The following SYT10 variants were observed in gnomAD, a reference collection of about 807,000 sequenced individuals.
SYT10 encodes the protein synaptotagmin 10, also known as synaptotagmin-10.
In SYT10, 31 loss-of-function variants were observed where a neutral mutation model predicts 51.1. That is an observed-to-expected ratio of 0.61 (90% CI 0.46 to 0.82). The LOEUF (loss-of-function observed/expected upper bound fraction) is 0.82. Ranked by LOEUF, SYT10 falls within the 40% of genes least tolerant of loss-of-function variation. The pLI, the probability that SYT10 is intolerant of heterozygous loss-of-function variation, is 0.00. For synonymous variants in SYT10, 233 were observed against 225.9 expected (o/e 1.03, Z -0.28); for missense variants, 603 against 634.0 (o/e 0.95, Z 0.53).
intron 5 of SYT10, among the ~76,000 whole-genome samples, chr12:33,382,087 T>C (rs1259703869): frequency 6.6e-6 from 1 of 152,180 alleles, no homozygotes; most frequent in Non-Finnish European, 1.5e-5. Flanking sequence ...GACTCCACAA[T>C]AGTGCTTTCT....
At chr12:33,424,014 T>C (rs1866527636) in intron 2 of SYT10, 1 of 455,860 alleles carries the variant, frequency 2.2e-6, no homozygotes, top group South Asian at 1.6e-5. Flanking sequence ...CAACCACTCA[T>C]ATAAACAATG....
chr12:33,382,963 G>T (rs1866128600), intron 4 of SYT10, among the ~76,000 whole-genome samples: 1 of 152,092 alleles, frequency 6.6e-6, no homozygotes, highest in Admixed American at 6.5e-5. Flanking sequence ...TTTAAAGATG[G>T]CCACACAAAA....
chr12:33,422,103 TA>T lies in SYT10; in HGVS notation c.509+4034del, dbSNP rs954955112. ...ACTTAAAGTATTAAAAAAAAAAACT[TA>T]AAAAAAAAGCAATATAGAAGTGAAT... is the stretch of plus-strand genomic sequence containing the variant. On this transcript the variant is annotated intron_variant, in intron 2 of 6. Coordinates refer to ENST00000228567, the MANE Select transcript of SYT10 (RefSeq NM_198992.4). 1.1e-4 allele frequency among the ~76,000 whole-genome samples: 16 copies of T among 149,508 alleles called. No homozygotes were observed. In the South Asian group the frequency reaches 1.3e-3, roughly 12 times the overall value.
intron 2 of SYT10, among the ~76,000 whole-genome samples, chr12:33,419,827 A>G (rs1866486342): frequency 1.3e-5 from 2 of 152,236 alleles, no homozygotes; most frequent in Non-Finnish European, 2.9e-5. Flanking sequence ...AGAACATATT[A>G]TATTACAAGA....
rs1255169686 is a variant in SYT10 at position 33,439,788 on chromosome 12, G to A, written c.-266C>T. The A allele has an allele frequency of 4.2e-6, 2 of 478,050 alleles. No homozygotes were observed. The highest frequency in any genetic ancestry group is 7.4e-6 in the Non-Finnish European group (2 of 268,688). The allele number at this position is 478,050 out of a possible 1,614,324, so 29.6% of individuals were successfully genotyped here. A position where few individuals can be genotyped will look rare whatever the true frequency, so the allele number is the denominator to read the frequency against. ...CTCTCCCGCCGCGCGAGCGAGCCGA[G>A]GCGCGCTGGAACTAGAGACCCGGCA... On this transcript the variant is annotated 5_prime_UTR_variant, in exon 1 of 7. Coordinates refer to ENST00000228567, the MANE Select transcript of SYT10 (RefSeq NM_198992.4).
intron 2 of SYT10, 112 bp from the exon 3 acceptor site, chr12:33,407,468 TATCTAC>T: frequency 4.5e-6 from 5 of 1,107,872 alleles, no homozygotes; most frequent in Non-Finnish European, 5.1e-6. Context: ...AAGATATCTA[TATCTAC>T]ATAGATAGAC....
Position 33,376,895 on chromosome 12 carries a change from C to A in SYT10, c.1507G>T (p.Gly503Cys). Residue 503 changes from glycine (G) to cysteine (C), a missense_variant, in exon 7 of 7, where the codon GGC (glycine) becomes TGC (cysteine). Physicochemically the swap from Gly to Cys is radical, Grantham distance 159. Coordinates refer to ENST00000228567, the MANE Select transcript of SYT10 (RefSeq NM_198992.4). ...TGACTATCAAAACTGGTCGCCCGGCCAGGTAACTGAAAGACAAAAATTTCA... is the reference window on the plus strand; with the variant it reads ...TGACTATCAAAACTGGTCGCCCGGCAAGGTAACTGAAAGACAAAAATTTCA... ...THWHPLLELP[G>C]RATSFDSQGS... The A allele has an allele frequency of 1.2e-6, 2 of 1,613,942 alleles. No homozygotes were observed. Among genetic ancestry groups the A allele is most frequent in the Non-Finnish European group, 1.7e-6 (2 of 1,179,952 alleles).
In SYT10 at chr12:33,376,831, T is replaced by G; in HGVS notation, c.1571A>C (p.Ter524SerextTer12). 6.2e-7 allele frequency: 1 copy of G among 1,614,034 alleles called. No homozygotes were observed. The highest frequency in any genetic ancestry group is 1.1e-5 in the South Asian group (1 of 91,080). The change falls in exon 7 of 7, where the codon TAA becomes TCA. Residue 524 changes from the stop codon to serine, a stop_lost. Transcript: ENST00000228567. ...TATCATGGTCTCATTTTGGAGGCATTATGGTGTGGAAGGTGGTTTAGGAGA... is the reference window on the plus strand; with the variant it reads ...TATCATGGTCTCATTTTGGAGGCATGATGGTGTGGAAGGTGGTTTAGGAGA... ...CPSPKPPSTP[*>S] is the part of the protein sequence containing the mutation.
At chr12:33,420,312 T>C (rs529597469) in intron 2 of SYT10, among the ~76,000 whole-genome samples, 8 of 152,314 alleles carry the variant, frequency 5.3e-5, no homozygotes, top group African/African-American at 1.9e-4. Context: ...AGAAAATGTC[T>C]GCTGGAGTTT....
intron 3 of SYT10, among the ~76,000 whole-genome samples, chr12:33,395,873 C>G (rs373888674): frequency 7.1e-6 from 1 of 140,870 alleles, no homozygotes; most frequent in Non-Finnish European, 1.5e-5. Context: ...AAATTCATTT[C>G]TTTTCCTTTC....
chr12:33,401,460 G>A (rs1239621321), intron 3 of SYT10, among the ~76,000 whole-genome samples: 1 of 151,932 alleles, frequency 6.6e-6, no homozygotes, highest in African/African-American at 2.4e-5. Flanking sequence ...CACCTTTATT[G>A]TTTCTTTTGT....
chr12:33,408,810 G>C (rs1316737633), intron 2 of SYT10, among the ~76,000 whole-genome samples: 2 of 152,078 alleles, frequency 1.3e-5, no homozygotes, highest in African/African-American at 2.4e-5. Context: ...CACAATCTCT[G>C]ACAATAGCAC....
intron 4 of SYT10, among the ~76,000 whole-genome samples, chr12:33,384,082 A>G (rs1565490628): frequency 6.6e-6 from 1 of 152,174 alleles, no homozygotes; most frequent in Non-Finnish European, 1.5e-5. Context: ...ACATCATGAC[A>G]TAGCTCAAAA....
intron 1 of SYT10, 71 bp from the exon 2 acceptor site, chr12:33,426,566 T>G: frequency 8.0e-7 from 1 of 1,244,072 alleles, no homozygotes; most frequent in East Asian, 2.6e-5. Flanking sequence ...AAAGAATATT[T>G]TACATCATAA....
At chr12:33,403,008 A>G (rs1866319581) in intron 3 of SYT10, among the ~76,000 whole-genome samples, 1 of 152,034 alleles carries the variant, frequency 6.6e-6, no homozygotes, top group South Asian at 2.1e-4. Flanking sequence ...TTAAAGATAC[A>G]CCAGCTAGTG....
At chr12:33,405,389 C>T (rs1866343987) in intron 3 of SYT10, 3 of 152,032 alleles carry the variant, frequency 2.0e-5, no homozygotes, top group South Asian at 2.1e-4. Flanking sequence ...CCCCACTGTG[C>T]ATTTGAAATA....
chr12:33,407,437 C>A, intron 2 of SYT10, 81 bp from the exon 3 acceptor site: 4 of 1,416,266 alleles, frequency 2.8e-6, no homozygotes, highest in Non-Finnish European at 2.9e-6. Flanking sequence ...ATAAACTCTT[C>A]CCCACCCCCA....
intron 1 of SYT10, among the ~76,000 whole-genome samples, chr12:33,427,302 T>C (rs1866561188): frequency 6.6e-6 from 1 of 152,112 alleles, no homozygotes; most frequent in Non-Finnish European, 1.5e-5. Context: ...GAAGGTGTCA[T>C]CTATGAACCA....
intron 2 of SYT10, among the ~76,000 whole-genome samples, chr12:33,407,632 A>T (rs1440640573): frequency 1.3e-5 from 2 of 152,094 alleles, no homozygotes; most frequent in Non-Finnish European, 2.9e-5. Flanking sequence ...TTGAGACAGG[A>T]TCTTGTTCTG....
Sources: allele counts gnomAD v4.1 joint callset (sites outside exome capture counted in the v4.1 genomes callset), GRCh38; gene constraint gnomAD v4.1.1; transcripts MANE v1.5; gene names NCBI Gene and HGNC (gene_info 2026-07-23, HGNC 2026-07-21).